Variants in IQCJ observed in about 807,000 individuals in gnomAD.
IQCJ encodes the protein IQ motif containing J.
In IQCJ, 9 loss-of-function variants were observed where a neutral mutation model predicts 11.0. The observed-to-expected ratio is 0.82, with a 90% CI of 0.49 to 1.43. IQCJ has a LOEUF of 1.43. IQCJ is among the 40% of genes most tolerant of loss of function. The pLI is 0.00. For synonymous variants in IQCJ, 55 were observed against 51.3 expected, an observed-to-expected ratio of 1.07 and a Z score of -0.31; for missense variants, 146 against 133.2, an observed-to-expected ratio of 1.10 and a Z score of -0.47.
At position 159,162,746 on chromosome 3, in the gene IQCJ, C is replaced by T. The variant is rs564177663; in HGVS notation, c.10-83097C>T. ...TAAAAAATGATAAAGGGGATATCAC[C>T]ACCGATCCTACAGAAATACAAACTA... On this transcript the variant is annotated intron_variant, in intron 1 of 3. Coordinates refer to ENST00000397832, the MANE Select transcript of IQCJ (RefSeq NM_001042706.3). Among the ~76,000 whole-genome samples the T allele has an allele frequency of 1.7e-4, 26 of 152,212 alleles. No individual in the cohort carries two copies. The East Asian group carries it at 3.7e-3, about 21-fold the overall frequency.
chr3:159,090,748 A>G (rs764422452), intron 1 of IQCJ, among the ~76,000 whole-genome samples: 24 of 151,886 alleles, frequency 1.6e-4, no homozygotes, highest in Non-Finnish European at 2.1e-4. Context: ...CTCCCTTGAA[A>G]GGCAGAGCTG....
At chr3:159,125,726 A>G (rs1458646101) in intron 1 of IQCJ, among the ~76,000 whole-genome samples, 1 of 152,214 alleles carries the variant, frequency 6.6e-6, no homozygotes, top group Non-Finnish European at 1.5e-5. Flanking sequence ...GGTTTTCCCT[A>G]GGGCTATCCT....
Position 159,252,712 on chromosome 3 carries a change from T to A in IQCJ, c.75-15T>A, listed in dbSNP as rs765871628. The A allele has an allele frequency of 6.2e-7, 1 of 1,609,108 alleles. No homozygotes were observed. The highest frequency in any genetic ancestry group is 1.7e-5 in the Admixed American group (1 of 59,360). On this transcript the variant is annotated splice_polypyrimidine_tract_variant and intron_variant, in intron 2 of 3. Transcript: ENST00000397832. The stretch of plus-strand genomic sequence containing the variant: ...TCTGGATTGGGAGATATTGAGACAT[T>A]ATTTCTGTTTCTAGTCACCAGCTGG...
intron 1 of IQCJ, among the ~76,000 whole-genome samples, chr3:159,091,528 A>T (rs1326639557): frequency 6.6e-6 from 1 of 151,650 alleles, no homozygotes; most frequent in Non-Finnish European, 1.5e-5. Context: ...TTCTAATATC[A>T]TCACCTTGGG....
At chr3:159,138,528 G>T (rs569065681) in intron 1 of IQCJ, among the ~76,000 whole-genome samples, 18 of 152,162 alleles carry the variant, frequency 1.2e-4, no homozygotes, top group Non-Finnish European at 2.1e-4. Flanking sequence ...AAAGTAAAAA[G>T]TTATTTTTAA....
chr3:159,093,496 G>C lies in IQCJ; in HGVS notation c.9+24055G>C, dbSNP rs768537118. On this transcript the variant is annotated intron_variant, in intron 1 of 3. Coordinates refer to ENST00000397832, the MANE Select transcript of IQCJ (RefSeq NM_001042706.3). Reference sequence around the variant, plus strand: ...GCTCCACTTTTGAGTGATGACCTCAGTTAGCTGTATTGTGCCTTGCCCTCG... The same window carrying C: ...GCTCCACTTTTGAGTGATGACCTCACTTAGCTGTATTGTGCCTTGCCCTCG... 5.3e-5 allele frequency among the ~76,000 whole-genome samples: 8 copies of C among 151,814 alleles called. 1 individual carries two copies. Among genetic ancestry groups the C allele is most frequent in the African/African-American group, 9.7e-5 (4 of 41,090 alleles).
chr3:159,252,710 A>G lies in IQCJ; in HGVS notation c.75-17A>G. On this transcript the variant is annotated splice_polypyrimidine_tract_variant and intron_variant, in intron 2 of 3. Coordinates refer to ENST00000397832, the MANE Select transcript of IQCJ (RefSeq NM_001042706.3). ...CTTCTGGATTGGGAGATATTGAGAC[A>G]TTATTTCTGTTTCTAGTCACCAGCT... 6.2e-7 allele frequency: 1 copy of G among 1,608,764 alleles called. No homozygotes were observed.
intron 3 of IQCJ, among the ~76,000 whole-genome samples, chr3:159,255,394 A>G (rs764190556): frequency 1.1e-4 from 16 of 152,200 alleles, no homozygotes; most frequent in Non-Finnish European, 2.2e-4. Flanking sequence ...GAGAGGAAAG[A>G]TGAGACCTGT....
In IQCJ at chr3:159,131,796, T is replaced by C. The variant is rs138212001; in HGVS notation, c.9+62355T>C. On this transcript the variant is annotated intron_variant, in intron 1 of 3. Coordinates refer to ENST00000397832, the MANE Select transcript of IQCJ (RefSeq NM_001042706.3). ...GGAAGGGATTAAATTTAAATATAAA[T>C]GAATATTATTTAGCCTTGGGTCTGG... 5.4e-3 allele frequency among the ~76,000 whole-genome samples: 824 copies of C among 152,282 alleles called. 5 individuals carry two copies. The highest frequency in any genetic ancestry group is 0.019 in the African/African-American group (795 of 41,562).
intron 1 of IQCJ, among the ~76,000 whole-genome samples, chr3:159,175,834 G>A (rs1722762586): frequency 6.6e-6 from 1 of 152,150 alleles, no homozygotes; most frequent in Non-Finnish European, 1.5e-5. Context: ...AATGTTTAGA[G>A]CTGGAACTAC....
chr3:159,116,614 G>GTGTA (rs1719017627), intron 1 of IQCJ, among the ~76,000 whole-genome samples: 2 of 57,706 alleles, frequency 3.5e-5, no homozygotes, highest in African/African-American at 5.8e-5. Flanking sequence ...CTGCTCATAT[G>GTGTA]TATATATATA....
Position 159,075,637 on chromosome 3 carries a change from TA to T in IQCJ, c.9+6204del, listed in dbSNP as rs373472075. Among the ~76,000 whole-genome samples the T allele has an allele frequency of 4.3e-4, 65 of 151,972 alleles. 1 individual carries two copies. The highest frequency in any genetic ancestry group is 2.2e-3 in the Admixed American group (33 of 15,232). On this transcript the variant is annotated intron_variant, in intron 1 of 3. Coordinates refer to ENST00000397832, the MANE Select transcript of IQCJ (RefSeq NM_001042706.3). Reference sequence around the variant, plus strand: ...GGACAATGTGTTTTCCTGATTTCATTAAAAAAAATGAATAAGATACTGAAAC... The same window carrying T: ...GGACAATGTGTTTTCCTGATTTCATTAAAAAAATGAATAAGATACTGAAAC...
chr3:159,178,946 G>C (rs1560015013), intron 1 of IQCJ, among the ~76,000 whole-genome samples: 1 of 152,112 alleles, frequency 6.6e-6, no homozygotes, highest in Non-Finnish European at 1.5e-5. Flanking sequence ...GATGCTGTGG[G>C]TGCTGACATA....
chr3:159,148,986 C>A (rs370277436), intron 1 of IQCJ, among the ~76,000 whole-genome samples: 4 of 152,198 alleles, frequency 2.6e-5, no homozygotes, highest in African/African-American at 9.6e-5. Flanking sequence ...CCTCTGTCAC[C>A]TTTTAATTGT....
chr3:159,224,618 G>A (rs980950866), intron 1 of IQCJ, among the ~76,000 whole-genome samples: 19 of 152,112 alleles, frequency 1.2e-4, no homozygotes, highest in African/African-American at 4.6e-4. Flanking sequence ...AAGATCAGTA[G>A]ACCACTATGA....
intron 1 of IQCJ, among the ~76,000 whole-genome samples, chr3:159,139,919 G>A (rs1000762299): frequency 4.6e-5 from 7 of 152,150 alleles, no homozygotes; most frequent in African/African-American, 1.7e-4. Context: ...ACAGGGCCAG[G>A]ATCCAAACCC....
chr3:159,071,036 A>G (rs1715529183), intron 1 of IQCJ, among the ~76,000 whole-genome samples: 1 of 152,044 alleles, frequency 6.6e-6, no homozygotes, highest in East Asian at 1.9e-4. Flanking sequence ...AACAATAAAA[A>G]TGAATATTAT....
chr3:159,162,296 G>A (rs934518014), intron 1 of IQCJ, among the ~76,000 whole-genome samples: 4 of 152,154 alleles, frequency 2.6e-5, no homozygotes, highest in African/African-American at 9.7e-5. Context: ...TGAAGCAATT[G>A]TGAATGGGAG....
At chr3:159,179,954 G>T (rs1723000549) in intron 1 of IQCJ, among the ~76,000 whole-genome samples, 1 of 139,484 alleles carries the variant, frequency 7.2e-6, no homozygotes, top group African/African-American at 2.6e-5. Context: ...AGCATGTGGA[G>T]AAATAGCAGT....
Sources: allele counts gnomAD v4.1 joint callset (sites outside exome capture counted in the v4.1 genomes callset), GRCh38; gene constraint gnomAD v4.1.1; transcripts MANE v1.5; gene names NCBI Gene and HGNC (gene_info 2026-07-23, HGNC 2026-07-21).